The following SMOC1 variants were observed in gnomAD, a reference collection of about 807,000 sequenced individuals.
The protein encoded by SMOC1 is SPARC-related modular calcium-binding protein 1.
SMOC1 carries 22 observed loss-of-function variants against 56.3 expected under a neutral mutation model. That is an observed-to-expected ratio of 0.39 (90% CI 0.28 to 0.56). The LOEUF is 0.56. Ranked by LOEUF, SMOC1 falls within the 20% of genes least tolerant of loss-of-function variation. The pLI is 0.61. For missense variants in SMOC1, 509 were observed against 565.4 expected (o/e 0.90, Z 1.01); for synonymous variants, 193 against 215.0 (o/e 0.90, Z 0.89).
intron 1 of SMOC1, among the ~76,000 whole-genome samples, chr14:69,902,829 G>A (rs1054953859): frequency 3.3e-5 from 5 of 152,134 alleles, no homozygotes; most frequent in South Asian, 2.1e-4. Context: ...TGTGTTGGCC[G>A]GGCTGGTCTC....
At chr14:69,987,481 T>C (rs1884407182) in intron 5 of SMOC1, among the ~76,000 whole-genome samples, 1 of 152,144 alleles carries the variant, frequency 6.6e-6, no homozygotes, top group Non-Finnish European at 1.5e-5. Flanking sequence ...AGAAAGCTCT[T>C]TGTATGTGGC....
intron 1 of SMOC1, among the ~76,000 whole-genome samples, chr14:69,919,657 T>G (rs1404948361): frequency 3.3e-5 from 5 of 152,288 alleles, no homozygotes; most frequent in Non-Finnish European, 7.4e-5. Flanking sequence ...GACTCAGATC[T>G]CATGCTGTCA....
At chr14:69,966,626 C>T (rs1883587385) in intron 3 of SMOC1, among the ~76,000 whole-genome samples, 1 of 152,152 alleles carries the variant, frequency 6.6e-6, no homozygotes, top group Non-Finnish European at 1.5e-5. Flanking sequence ...CAGTCTCTAC[C>T]CAAGTAGTCT....
chr14:70,001,132 C>T (rs1350996593), intron 7 of SMOC1, among the ~76,000 whole-genome samples: 1 of 152,076 alleles, frequency 6.6e-6, no homozygotes, highest in East Asian at 1.9e-4. Context: ...TGGATCTGGC[C>T]CCTGAGTCAC....
At chr14:69,905,026 G>A (rs1330342725) in intron 1 of SMOC1, among the ~76,000 whole-genome samples, 2 of 152,086 alleles carry the variant, frequency 1.3e-5, no homozygotes, top group African/African-American at 4.8e-5. Flanking sequence ...AATGAAGGGG[G>A]TGTTTTCTGA....
intron 1 of SMOC1, among the ~76,000 whole-genome samples, chr14:69,930,164 T>A (rs1276119): frequency 1.4e-5 from 2 of 142,684 alleles, no homozygotes; most frequent in African/African-American, 5.6e-5. Flanking sequence ...CCCCAGTGAC[T>A]GTACCCCTGA....
At chr14:69,929,093 C>G (rs1885095046) in intron 1 of SMOC1, among the ~76,000 whole-genome samples, 1 of 152,146 alleles carries the variant, frequency 6.6e-6, no homozygotes, top group Non-Finnish European at 1.5e-5. Flanking sequence ...AGGAAGAGAC[C>G]TTCTTGAGGT....
intron 10 of SMOC1, among the ~76,000 whole-genome samples, chr14:70,021,331 T>TG (rs1364263541): frequency 6.6e-6 from 1 of 152,220 alleles, no homozygotes; most frequent in African/African-American, 2.4e-5. Flanking sequence ...TGGTATGCAC[T>TG]GCAGGGGCCG....
intron 1 of SMOC1, among the ~76,000 whole-genome samples, chr14:69,915,667 T>C (rs1200738191): frequency 6.6e-6 from 1 of 152,214 alleles, no homozygotes; most frequent in Admixed American, 6.5e-5. Context: ...TGAAACAACT[T>C]GTCAGTGTCA....
chr14:69,891,329 T>C (rs1334291516), intron 1 of SMOC1, among the ~76,000 whole-genome samples: 1 of 152,246 alleles, frequency 6.6e-6, no homozygotes, highest in Non-Finnish European at 1.5e-5. Context: ...GGGTGGTGAA[T>C]ACATATATTC....
In SMOC1 at chr14:70,023,364, G is replaced by A. The variant is rs768727702; in HGVS notation, c.1208G>A (p.Arg403His). 3.8e-5 allele frequency: 61 copies of A among 1,614,016 alleles called. No homozygotes were observed. The highest frequency in any genetic ancestry group is 6.7e-5 in the Admixed American group (4 of 59,994). Residue 403 changes from arginine to histidine, a missense_variant, in exon 11 of 12, where the codon CGT becomes CAT. Transcript: ENST00000361956. ...KKAKPKKCAR[R>H]FTDYCDLNKD... ...GCCAAGCCCAAGAAATGTGCCCGGC[G>A]TTTCACCGACTACTGTGACCTGAAC...
chr14:69,885,189 C>A (rs1883761785), intron 1 of SMOC1, among the ~76,000 whole-genome samples: 1 of 151,880 alleles, frequency 6.6e-6, no homozygotes, highest in Non-Finnish European at 1.5e-5. Context: ...AACCCAGTTC[C>A]AACATTACTC....
intron 3 of SMOC1, among the ~76,000 whole-genome samples, chr14:69,962,241 C>T (rs1308867275): frequency 1.3e-5 from 2 of 152,140 alleles, no homozygotes; most frequent in Non-Finnish European, 2.9e-5. Flanking sequence ...TGGCTCACTG[C>T]AACCTCTGCC....
At chr14:69,944,363 A>G (rs184917438) in intron 1 of SMOC1, among the ~76,000 whole-genome samples, 87 of 152,314 alleles carry the variant, frequency 5.7e-4, no homozygotes, top group Non-Finnish European at 2.6e-4. Flanking sequence ...GCGTGTGCAC[A>G]GTCCAGAGGT....
At chr14:69,899,180 G>A (rs925255106) in intron 1 of SMOC1, among the ~76,000 whole-genome samples, 9 of 152,166 alleles carry the variant, frequency 5.9e-5, no homozygotes, top group Non-Finnish European at 1.2e-4. Context: ...GCCTTGTTAC[G>A]GGAACAGAAT....
rs546208098 is a variant in SMOC1 at position 69,879,889 on chromosome 14, T to C, written c.99+112T>C. ...GAGAGATGTCAGAGACCTGTTGTCC[T>C]CTGTCTACTACCAGGTCCCCTGCGG... On this transcript the variant is annotated intron_variant, in intron 1 of 11. Transcript: ENST00000361956. 61 of 971,422 alleles carry C rather than the reference T, an allele frequency of 6.3e-5. No homozygotes were observed. In the South Asian group the frequency reaches 9.6e-4, roughly 15 times the overall value. The allele number at this position is 971,422 out of a possible 1,614,324, so 60.2% of individuals were successfully genotyped here. A position where few individuals can be genotyped will look rare whatever the true frequency, so the allele number is the denominator to read the frequency against.
chr14:69,995,022 A>T (rs1201774901), intron 7 of SMOC1, among the ~76,000 whole-genome samples: 1 of 152,220 alleles, frequency 6.6e-6, no homozygotes, highest in Non-Finnish European at 1.5e-5. Context: ...CAGAGTCAGT[A>T]AAGTCTATTT....
intron 5 of SMOC1, among the ~76,000 whole-genome samples, chr14:69,985,362 T>TA (rs1336328777): frequency 6.6e-6 from 1 of 152,110 alleles, no homozygotes; most frequent in Non-Finnish European, 1.5e-5. Flanking sequence ...TAAACATACA[T>TA]ATACCATATA....
chr14:69,926,939 G>A (rs1885028242), intron 1 of SMOC1, among the ~76,000 whole-genome samples: 1 of 152,142 alleles, frequency 6.6e-6, no homozygotes, highest in Admixed American at 6.5e-5. Context: ...TGGATGTGGT[G>A]ATGATGATGA....
Sources: gnomAD v4.1 joint callset for allele counts (sites outside exome capture counted in the v4.1 genomes callset) on GRCh38, gnomAD v4.1.1 for gene constraint, MANE v1.5 for transcripts, NCBI Gene and HGNC (gene_info 2026-07-23, HGNC 2026-07-21) for gene names.